MAOA: variants seen among roughly 807,000 people sequenced by gnomAD.
The protein encoded by MAOA is amine oxidase [flavin-containing] A.
MAOA carries 6 observed loss-of-function variants against 42.0 expected under a neutral mutation model. That is an observed-to-expected ratio of 0.14 (90% confidence interval 0.08 to 0.28). The LOEUF (loss-of-function observed/expected upper bound fraction) is 0.28, where lower values mean the gene tolerates loss of function less well. Ranked by LOEUF, MAOA falls within the 10% of genes least tolerant of loss-of-function variation. The probability of loss-of-function intolerance (pLI) is 1.00; values close to 1 mark genes in which losing one functional copy is unlikely to be tolerated. For missense variants in MAOA, 262 were observed against 422.3 expected, an observed-to-expected ratio of 0.62 and a Z score of 3.33; for synonymous variants, 140 against 154.0, an observed-to-expected ratio of 0.91 and a Z score of 0.67.
At chrX:43,719,255 A>C (rs1226080394) in intron 5 of MAOA, among the ~76,000 whole-genome samples, 1 of 111,478 alleles carries the variant, frequency 9.0e-6, no homozygotes, top group Non-Finnish European at 1.9e-5. Flanking sequence ...GGAAGGTTGC[A>C]TGGTGTGGCA....
chrX:43,663,362 T>C (rs990997176), intron 1 of MAOA, among the ~76,000 whole-genome samples: 6 of 111,660 alleles, frequency 5.4e-5, no homozygotes, highest in African/African-American at 2.0e-4. Flanking sequence ...ATAACAATAT[T>C]TAATTGATTG....
At chrX:43,699,892 G>T (rs758958177) in intron 3 of MAOA, among the ~76,000 whole-genome samples, 36 of 111,966 alleles carry the variant, frequency 3.2e-4, no homozygotes, top group Admixed American at 7.6e-4. Flanking sequence ...GCTTATAATA[G>T]AATTTCTTTT....
chrX:43,665,770 C>T (rs1293875894), intron 1 of MAOA, among the ~76,000 whole-genome samples: 1 of 109,367 alleles, frequency 9.1e-6, no homozygotes, highest in African/African-American at 3.3e-5. Flanking sequence ...AATTATGTAT[C>T]TGAAAGGAAG....
intron 7 of MAOA, 80 bp from the exon 8 acceptor site, chrX:43,731,614 G>A (rs758130520): frequency 2.4e-4 from 242 of 1,008,296 alleles, no homozygotes; most frequent in Non-Finnish European, 3.2e-4. Context: ...TTGTTTAGAA[G>A]TGATAAAGAT....
At chrX:43,726,728 T>A (rs1336523040) in intron 5 of MAOA, among the ~76,000 whole-genome samples, 1 of 111,610 alleles carries the variant, frequency 9.0e-6, no homozygotes, top group Non-Finnish European at 1.9e-5. Context: ...TGGCGAGGAG[T>A]TGTGATCCTT....
At chrX:43,712,041 C>G in intron 4 of MAOA, 65 bp downstream of exon 4, 1 of 795,570 alleles carries the variant, frequency 1.3e-6, no homozygotes, top group Non-Finnish European at 1.9e-6. Flanking sequence ...TGTTTAATAT[C>G]CTTCCATAGT....
At chrX:43,656,048 A>G, upstream of MAOA, 3 of 360,852 alleles carry the variant, frequency 8.3e-6, no homozygotes, top group Non-Finnish European at 1.5e-5. Context: ...CCAGCTGCCG[A>G]CACAAGGACA....
At chrX:43,673,494 A>G (rs2033357509) in intron 1 of MAOA, among the ~76,000 whole-genome samples, 1 of 106,684 alleles carries the variant, frequency 9.4e-6, no homozygotes, top group Non-Finnish European at 1.9e-5. Context: ...CTAGCTTTTG[A>G]ATGTGTTTGC....
At chrX:43,702,072 C>T (rs1435096730) in intron 3 of MAOA, among the ~76,000 whole-genome samples, 1 of 111,950 alleles carries the variant, frequency 8.9e-6, no homozygotes, top group Non-Finnish European at 1.9e-5. Flanking sequence ...TCCAATGAAT[C>T]CCATATCTAG....
At chrX:43,697,991 G>A (rs2033594308) in intron 3 of MAOA, among the ~76,000 whole-genome samples, 1 of 112,225 alleles carries the variant, frequency 8.9e-6, no homozygotes, top group African/African-American at 3.2e-5. Context: ...CAATGTGATA[G>A]TGTATTGGGT....
At chrX:43,731,463 A>T in intron 7 of MAOA, 73 bp downstream of exon 7, 1 of 1,063,201 alleles carries the variant, frequency 9.4e-7, no homozygotes. Context: ...ACCAGATATA[A>T]TTCAAGCAGT....
chrX:43,720,049 C>T (rs1197094149), intron 5 of MAOA, among the ~76,000 whole-genome samples: 1 of 109,628 alleles, frequency 9.1e-6, no homozygotes, highest in Non-Finnish European at 1.9e-5. Context: ...ACAGGCACTG[C>T]GGGGAGACAG....
intron 3 of MAOA, among the ~76,000 whole-genome samples, chrX:43,695,477 TC>T (rs979934189): frequency 8.9e-6 from 1 of 111,788 alleles, no homozygotes; most frequent in Non-Finnish European, 1.9e-5. Flanking sequence ...ACATCTGTAA[TC>T]CCAGCCCTTT....
chrX:43,694,271 A>T (rs1343385962), intron 3 of MAOA, among the ~76,000 whole-genome samples: 3 of 110,523 alleles, frequency 2.7e-5, no homozygotes, highest in African/African-American at 9.9e-5. Context: ...CCCTTCCCCT[A>T]CTCCACCTCG....
intron 1 of MAOA, 76 bp downstream of exon 1, chrX:43,656,490 G>C (rs2033180782): frequency 1.1e-6 from 1 of 914,645 alleles, no homozygotes; most frequent in Non-Finnish European, 1.6e-6. Flanking sequence ...AGCTCTTGTG[G>C]TGTTTGGGGG....
intron 3 of MAOA, among the ~76,000 whole-genome samples, chrX:43,706,917 A>G (rs1259986762): frequency 8.9e-6 from 1 of 111,953 alleles, no homozygotes; most frequent in Non-Finnish European, 1.9e-5. Context: ...TCAGGCGCCC[A>G]TTGCATTGGT....
chrX:43,705,525 A>G (rs1361936568), intron 3 of MAOA, among the ~76,000 whole-genome samples: 1 of 112,117 alleles, frequency 8.9e-6, no homozygotes, highest in Non-Finnish European at 1.9e-5. Flanking sequence ...GGAAGAAAAA[A>G]TAATAAATCT....
intron 9 of MAOA, among the ~76,000 whole-genome samples, chrX:43,735,710 T>G (rs2033915192): frequency 8.9e-6 from 1 of 112,807 alleles, no homozygotes; most frequent in Non-Finnish European, 1.9e-5. Flanking sequence ...AGAACAACTC[T>G]AGGGAGGGGT....
At position 43,740,666 on chromosome X, in the gene MAOA, G is replaced by A; in HGVS notation, c.1107-15G>A. On this transcript the variant is annotated splice_polypyrimidine_tract_variant and intron_variant, in intron 10 of 14. Transcript: ENST00000338702. The stretch of plus-strand genomic sequence containing the variant: ...CCTAACTTTATTTTTTTTTTTTTTT[G>A]GCTCTGTTTTATAGGAAGAAGAAAA... 1.0e-6 allele frequency: 1 copy of A among 994,615 alleles called. No individual in the cohort carries two copies. The highest frequency in any genetic ancestry group is 1.3e-6 in the Non-Finnish European group (1 of 766,267). 82.0% of individuals were successfully genotyped at this position (994,615 alleles called of 1,213,427 possible).
Sources: allele counts gnomAD v4.1 joint callset (sites outside exome capture counted in the v4.1 genomes callset), GRCh38; gene constraint gnomAD v4.1.1; transcripts MANE v1.5; gene names NCBI Gene and HGNC (gene_info 2026-07-23, HGNC 2026-07-21).